The following PTPRK variants were observed in gnomAD, a reference collection of about 807,000 sequenced individuals.
PTPRK encodes receptor-type tyrosine-protein phosphatase kappa.
PTPRK carries 75 observed loss-of-function variants against 178.0 expected under a neutral mutation model. The observed-to-expected ratio is 0.42, with a 90% CI of 0.35 to 0.51. PTPRK has a LOEUF of 0.51. PTPRK is among the 20% of genes least tolerant of loss of function. The pLI is 0.02. For synonymous variants in PTPRK, 637 were observed against 620.6 expected (o/e 1.03, Z -0.39); for missense variants, 1,441 against 1,797.8 (o/e 0.80, Z 3.59).
At chr6:128,083,624 G>T in intron 9 of PTPRK, 91 bp downstream of exon 9, 2 of 614,904 alleles carry the variant, frequency 3.3e-6, no homozygotes, top group Non-Finnish European at 5.3e-6. Context: ...CCTCATTTAC[G>T]TCTTTTCCAT....
intron 2 of PTPRK, among the ~76,000 whole-genome samples, chr6:128,327,455 T>C (rs1829730280): frequency 1.3e-5 from 2 of 152,256 alleles, no homozygotes; most frequent in South Asian, 4.1e-4. Context: ...AACTGGTCAT[T>C]TTACCTCCCA....
At chr6:128,369,404 AT>A in intron 2 of PTPRK, among the ~76,000 whole-genome samples, 1 of 152,280 alleles carries the variant, frequency 6.6e-6, no homozygotes, top group South Asian at 2.1e-4. Flanking sequence ...CAATATAGAT[AT>A]TTTATAAGAC....
chr6:128,427,459 CA>C (rs1401058307), intron 1 of PTPRK, among the ~76,000 whole-genome samples: 1 of 152,172 alleles, frequency 6.6e-6, no homozygotes, highest in Non-Finnish European at 1.5e-5. Context: ...TCAATAAGCA[CA>C]CTTCTTTGTG....
At chr6:128,373,443 A>G (rs1183863593) in intron 2 of PTPRK, among the ~76,000 whole-genome samples, 2 of 152,196 alleles carry the variant, frequency 1.3e-5, no homozygotes, top group Non-Finnish European at 2.9e-5. Context: ...AAAATCACCT[A>G]TGGGACTTTA....
At chr6:128,190,241 T>C (rs1166145987) in intron 6 of PTPRK, among the ~76,000 whole-genome samples, 1 of 152,122 alleles carries the variant, frequency 6.6e-6, no homozygotes, top group Non-Finnish European at 1.5e-5. Flanking sequence ...GAGAATTCTT[T>C]CATGATTTCA....
intron 1 of PTPRK, among the ~76,000 whole-genome samples, chr6:128,516,322 G>A (rs1264996857): frequency 2.0e-5 from 3 of 152,070 alleles, no homozygotes; most frequent in African/African-American, 7.2e-5. Flanking sequence ...CTTTCCGTCT[G>A]GGTAGGCCAG....
chr6:128,052,141 AACAC>A (rs1027895351), intron 13 of PTPRK, among the ~76,000 whole-genome samples: 7 of 152,180 alleles, frequency 4.6e-5, no homozygotes, highest in African/African-American at 1.7e-4. Context: ...ATGTTGGAAA[AACAC>A]ACAAAGTTAC....
At chr6:128,435,038 CAGGA>C (rs1562514575) in intron 1 of PTPRK, among the ~76,000 whole-genome samples, 2 of 75,972 alleles carry the variant, frequency 2.6e-5, no homozygotes, top group African/African-American at 1.5e-4. Context: ...GACAGGAAGG[CAGGA>C]AGGCAGGAAG....
chr6:128,031,843 C>A (rs1446219412), intron 13 of PTPRK, among the ~76,000 whole-genome samples: 1 of 152,134 alleles, frequency 6.6e-6, no homozygotes, highest in Non-Finnish European at 1.5e-5. Flanking sequence ...TACACTCTTT[C>A]CCTGTAAGAA....
chr6:128,500,725 T>G (rs1855435941), intron 1 of PTPRK: 1 of 152,210 alleles, frequency 6.6e-6, no homozygotes, highest in Admixed American at 6.5e-5. Flanking sequence ...CCACTTGGTT[T>G]CCTCAAGGAG....
intron 1 of PTPRK, among the ~76,000 whole-genome samples, chr6:128,510,020 T>C (rs894302615): frequency 5.9e-5 from 9 of 152,156 alleles, no homozygotes; most frequent in African/African-American, 1.9e-4. Flanking sequence ...AGTCATCACA[T>C]AAGGACATAA....
chr6:127,974,594 C>T (rs1324153068), intron 27 of PTPRK, among the ~76,000 whole-genome samples: 2 of 152,078 alleles, frequency 1.3e-5, no homozygotes, highest in Non-Finnish European at 2.9e-5. Context: ...TTACATCAAC[C>T]CCCAACTAAT....
At chr6:128,434,962 T>TGCAGGCAGGCAGGCAGGCAG (rs373811894) in intron 1 of PTPRK, among the ~76,000 whole-genome samples, 2 of 149,970 alleles carry the variant, frequency 1.3e-5, no homozygotes, top group Non-Finnish European at 3.0e-5. Flanking sequence ...AGGTCAAGGT[T>TGCAGGCAGGCAGGCAGGCAG]GCAGGCAGGC....
At chr6:128,492,087 C>T (rs532371952) in intron 1 of PTPRK, among the ~76,000 whole-genome samples, 12 of 152,268 alleles carry the variant, frequency 7.9e-5, no homozygotes, top group Admixed American at 2.0e-4. Context: ...GCATAACACC[C>T]AAGGGTTTCA....
intron 1 of PTPRK, among the ~76,000 whole-genome samples, chr6:128,435,126 AAGGCAGGC>A (rs775750807): frequency 8.4e-4 from 67 of 79,472 alleles, no homozygotes; most frequent in South Asian, 1.2e-3. Context: ...GGCAGGCAGG[AAGGCAGGC>A]AGGCAGGCAG....
At chr6:127,992,637 GT>G in intron 19 of PTPRK, 35 bp downstream of exon 19, 2 of 1,554,200 alleles carry the variant, frequency 1.3e-6, no homozygotes, top group Admixed American at 2.0e-5. Context: ...AAGCAAGTTT[GT>G]TTTTTCTATA....
chr6:128,375,631 T>C (rs1307982922), intron 2 of PTPRK, among the ~76,000 whole-genome samples: 10 of 152,032 alleles, frequency 6.6e-5, no homozygotes, highest in Admixed American at 6.6e-4. Context: ...CAACCATGCT[T>C]CCCAAATAGT....
intron 3 of PTPRK, among the ~76,000 whole-genome samples, chr6:128,316,820 G>A (rs542297881): frequency 1.4e-4 from 21 of 150,820 alleles, no homozygotes; most frequent in African/African-American, 3.9e-4. Flanking sequence ...TGGTTCAAGC[G>A]ATTCTCCTGC....
At chr6:128,331,945 AT>A (rs1200275542) in intron 2 of PTPRK, among the ~76,000 whole-genome samples, 2 of 152,148 alleles carry the variant, frequency 1.3e-5, no homozygotes, top group African/African-American at 4.8e-5. Context: ...GCCAGTTTAC[AT>A]TTGAAAATAG....
Sources: gnomAD v4.1 joint callset for allele counts (sites outside exome capture counted in the v4.1 genomes callset) on GRCh38, gnomAD v4.1.1 for gene constraint, MANE v1.5 for transcripts, NCBI Gene and HGNC (gene_info 2026-07-23, HGNC 2026-07-21) for gene names.